Variants in BMPR2 observed in about 807,000 individuals in gnomAD.
BMPR2 encodes the protein bone morphogenetic protein receptor type-2.
In BMPR2, 29 loss-of-function variants were observed where a neutral mutation model predicts 100.8. The ratio of observed to expected loss-of-function variants is 0.29; its 90% CI spans 0.21 to 0.39. The LOEUF (loss-of-function observed/expected upper bound fraction) is 0.39, where lower values mean the gene tolerates loss of function less well. BMPR2 is among the 10% of genes least tolerant of loss of function. The pLI, the probability that BMPR2 is intolerant of heterozygous loss-of-function variation, is 1.00. For missense variants in BMPR2, 1,011 were observed against 1,274.5 expected, an observed-to-expected ratio of 0.79 and a Z score of 3.15; for synonymous variants, 382 against 442.3, an observed-to-expected ratio of 0.86 and a Z score of 1.71.
At position 202,377,465 on chromosome 2, in the gene BMPR2, T is replaced by A; in HGVS notation, c.-10T>A. On this transcript the variant is annotated 5_prime_UTR_variant, in exon 1 of 13. Transcript: ENST00000374580. ...TTTCTTTGCCCTCCTGATTCTTGGC[T>A]GGCCCAGGGATGACTTCCTCGCTGC... The A allele has an allele frequency of 6.2e-7, 1 of 1,614,210 alleles. No individual in the cohort carries two copies. The highest frequency in any genetic ancestry group is 1.1e-5 in the South Asian group (1 of 91,084).
intron 1 of BMPR2, among the ~76,000 whole-genome samples, chr2:202,439,106 CTCT>C (rs1559038755): frequency 1.3e-5 from 2 of 150,168 alleles, no homozygotes; most frequent in East Asian, 3.9e-4. Flanking sequence ...CATGGGATGT[CTCT>C]TCATTTGTTT....
In BMPR2 at chr2:202,381,136, G is replaced by A. The variant is rs528220571; in HGVS notation, c.76+3586G>A. The stretch of plus-strand genomic sequence containing the variant: ...ACTACAGGTGTGCACCACCACACCC[G>A]GCTAATTTTTGTATTTTTAGTAGAG... On this transcript the variant is annotated intron_variant, in intron 1 of 12. Coordinates refer to ENST00000374580, the MANE Select transcript of BMPR2 (RefSeq NM_001204.7). Among the ~76,000 whole-genome samples, 10 of 151,734 alleles carry A rather than the reference G, an allele frequency of 6.6e-5. No homozygotes were observed. In the East Asian group the frequency reaches 1.9e-3, roughly 29 times the overall value.
chr2:202,459,540 C>T (rs1692184957), intron 1 of BMPR2, among the ~76,000 whole-genome samples: 4 of 152,088 alleles, frequency 2.6e-5, no homozygotes, highest in Non-Finnish European at 5.9e-5. Context: ...CTCTATGTGT[C>T]CATGTGTTTT....
intron 1 of BMPR2, among the ~76,000 whole-genome samples, chr2:202,422,789 G>C (rs551446183): frequency 6.6e-6 from 1 of 152,270 alleles, no homozygotes; most frequent in South Asian, 2.1e-4. Context: ...CGATTCTCCT[G>C]CCTCAGCCTC....
At chr2:202,488,645 A>T (rs561762430) in intron 3 of BMPR2, among the ~76,000 whole-genome samples, 1 of 152,066 alleles carries the variant, frequency 6.6e-6, no homozygotes, top group East Asian at 1.9e-4. Flanking sequence ...GTTCCTCAGG[A>T]TGGTCTCAAG....
At chr2:202,506,455 C>CTTTTG (rs377230318) in intron 3 of BMPR2, among the ~76,000 whole-genome samples, 5 of 152,122 alleles carry the variant, frequency 3.3e-5, no homozygotes, top group Non-Finnish European at 4.4e-5. Flanking sequence ...CATGCCTGGC[C>CTTTTG]TTTTGTTTTG....
intron 1 of BMPR2, among the ~76,000 whole-genome samples, chr2:202,395,484 C>T (rs974691684): frequency 2.0e-5 from 3 of 152,110 alleles, no homozygotes; most frequent in Non-Finnish European, 4.4e-5. Context: ...AGAACTGAAG[C>T]TATTATAGGA....
At chr2:202,505,317 T>C (rs1270350241) in intron 3 of BMPR2, 1 of 151,024 alleles carries the variant, frequency 6.6e-6, no homozygotes, top group Non-Finnish European at 1.5e-5. Context: ...ACCTATCCTG[T>C]AGAGGACACT....
At chr2:202,466,378 C>A (rs1193298559) in intron 2 of BMPR2, among the ~76,000 whole-genome samples, 1 of 151,682 alleles carries the variant, frequency 6.6e-6, no homozygotes, top group Admixed American at 6.6e-5. Context: ...CCTCCGCCTC[C>A]CGGGTTCAAG....
At chr2:202,546,584 A>G (rs1432774225) in intron 10 of BMPR2, among the ~76,000 whole-genome samples, 1 of 152,132 alleles carries the variant, frequency 6.6e-6, no homozygotes, top group Non-Finnish European at 1.5e-5. Flanking sequence ...ACAATCACAT[A>G]CACATGGTTT....
chr2:202,486,092 T>C (rs1375392873), intron 3 of BMPR2, among the ~76,000 whole-genome samples: 2 of 152,038 alleles, frequency 1.3e-5, no homozygotes, highest in East Asian at 1.9e-4. Context: ...AACCCTAATA[T>C]GACAATTAAA....
intron 3 of BMPR2, among the ~76,000 whole-genome samples, chr2:202,489,767 CAT>C (rs1288890487): frequency 6.6e-6 from 1 of 152,130 alleles, no homozygotes; most frequent in Non-Finnish European, 1.5e-5. Flanking sequence ...GTGAGAAAAA[CAT>C]GGACAGAATT....
chr2:202,386,487 A>G (rs1235290528), intron 1 of BMPR2, among the ~76,000 whole-genome samples: 1 of 152,108 alleles, frequency 6.6e-6, no homozygotes. Context: ...TCTGATAGCA[A>G]AAACTCTTGG....
chr2:202,387,909 G>A (rs1420570586), intron 1 of BMPR2, among the ~76,000 whole-genome samples: 1 of 152,210 alleles, frequency 6.6e-6, no homozygotes, highest in Non-Finnish European at 1.5e-5. Flanking sequence ...CAAATGATAT[G>A]AAGAGATGAA....
intron 1 of BMPR2, among the ~76,000 whole-genome samples, chr2:202,451,563 G>A (rs113628610): frequency 6.6e-6 from 1 of 152,198 alleles, no homozygotes; most frequent in African/African-American, 2.4e-5. Flanking sequence ...GCCGGGTGTG[G>A]TGGCAGGTGC....
intron 10 of BMPR2, among the ~76,000 whole-genome samples, chr2:202,550,396 A>T (rs1157303104): frequency 6.9e-6 from 1 of 143,936 alleles, no homozygotes; most frequent in Non-Finnish European, 1.5e-5. Flanking sequence ...AAAAAAAAAA[A>T]TTGTAGAAAT....
rs567050864 is a variant in BMPR2 at position 202,383,570 on chromosome 2, C to G, written c.76+6020C>G. ...TGGCACATGCCTGTAATCCCAGCTACTCGGGAGGCTGAGGCATCGCTTGAA... is the reference window on the plus strand; with the variant it reads ...TGGCACATGCCTGTAATCCCAGCTAGTCGGGAGGCTGAGGCATCGCTTGAA... On this transcript the variant is annotated intron_variant, in intron 1 of 12. Transcript: ENST00000374580. Among the ~76,000 whole-genome samples, 13 of 151,800 alleles carry G rather than the reference C, an allele frequency of 8.6e-5. No homozygotes were observed. In the South Asian group the frequency reaches 2.7e-3, roughly 32 times the overall value.
intron 1 of BMPR2, among the ~76,000 whole-genome samples, chr2:202,455,991 G>A (rs1016731020): frequency 2.1e-5 from 3 of 141,696 alleles, no homozygotes; most frequent in East Asian, 2.2e-4. Flanking sequence ...TGTGAACCGG[G>A]GAGGCAGAGC....
chr2:202,423,518 G>C (rs530486581), intron 1 of BMPR2, among the ~76,000 whole-genome samples: 1 of 152,114 alleles, frequency 6.6e-6, no homozygotes, highest in Non-Finnish European at 1.5e-5. Context: ...GAGGAGGATG[G>C]GGTGGGAGGA....
Sources: gnomAD v4.1 joint callset for allele counts (sites outside exome capture counted in the v4.1 genomes callset) on GRCh38, gnomAD v4.1.1 for gene constraint, MANE v1.5 for transcripts, NCBI Gene and HGNC (gene_info 2026-07-23, HGNC 2026-07-21) for gene names.